Variants in STOX2 observed in about 807,000 individuals in gnomAD.
The protein encoded by STOX2 is storkhead-box protein 2.
In STOX2, 28 loss-of-function variants were observed where a neutral mutation model predicts 60.9. The observed-to-expected ratio is 0.46, with a 90% CI of 0.34 to 0.63. STOX2 has a LOEUF of 0.63. Ranked by LOEUF, STOX2 falls within the 30% of genes least tolerant of loss-of-function variation. STOX2 has a pLI of 0.01. For missense variants in STOX2, 1,024 were observed against 1,187.7 expected, an observed-to-expected ratio of 0.86 and a Z score of 2.03; for synonymous variants, 472 against 463.9, an observed-to-expected ratio of 1.02 and a Z score of -0.22.
chr4:183,927,087 C>T (rs1033041224), intron 1 of STOX2, among the ~76,000 whole-genome samples: 3 of 152,230 alleles, frequency 2.0e-5, no homozygotes, highest in Non-Finnish European at 4.4e-5. Context: ...ATTATTTCCT[C>T]ATTGACTCTG....
chr4:183,854,266 A>G (rs1185978074), intron 1 of STOX2, among the ~76,000 whole-genome samples: 3 of 152,226 alleles, frequency 2.0e-5, no homozygotes, highest in Admixed American at 1.3e-4. Context: ...TTGAGAAGGT[A>G]CTTTCTCATG....
intron 1 of STOX2, among the ~76,000 whole-genome samples, chr4:183,999,059 C>A (rs1464688234): frequency 6.6e-6 from 1 of 151,460 alleles, no homozygotes; most frequent in Non-Finnish European, 1.5e-5. Flanking sequence ...AGCAAACAAA[C>A]AAAAAAACAA....
At chr4:183,858,317 G>GT (rs1405807840) in intron 1 of STOX2, among the ~76,000 whole-genome samples, 3 of 152,008 alleles carry the variant, frequency 2.0e-5, no homozygotes, top group Non-Finnish European at 4.4e-5. Flanking sequence ...CCCGCCCTGT[G>GT]CGGGCTGCAA....
chr4:183,841,882 A>G (rs761430155), intron 1 of STOX2, among the ~76,000 whole-genome samples: 34 of 152,228 alleles, frequency 2.2e-4, no homozygotes, highest in Non-Finnish European at 4.1e-4. Context: ...CCATAGAGTC[A>G]TACAATTTGA....
chr4:183,979,167 C>T (rs915920650), intron 1 of STOX2, among the ~76,000 whole-genome samples: 1 of 152,050 alleles, frequency 6.6e-6, no homozygotes, highest in African/African-American at 2.4e-5. Flanking sequence ...ACAGTCATGG[C>T]AGAAGGCAAA....
intron 1 of STOX2, among the ~76,000 whole-genome samples, chr4:183,908,292 G>C (rs757367579): frequency 6.6e-6 from 1 of 152,166 alleles, no homozygotes; most frequent in African/African-American, 2.4e-5. Context: ...TCGCTGCTGT[G>C]GTTGCTACAC....
chr4:183,911,433 C>A (rs1185443285), intron 1 of STOX2, among the ~76,000 whole-genome samples: 1 of 152,160 alleles, frequency 6.6e-6, no homozygotes, highest in Non-Finnish European at 1.5e-5. Context: ...GCCGCTCCAA[C>A]TGTGTTTTAA....
chr4:183,951,072 C>T (rs1243970837), intron 1 of STOX2, among the ~76,000 whole-genome samples: 6 of 151,740 alleles, frequency 4.0e-5, no homozygotes, highest in African/African-American at 9.7e-5. Context: ...AAAAATTAGC[C>T]GGGCGTGGTG....
intron 1 of STOX2, among the ~76,000 whole-genome samples, chr4:183,875,615 G>A (rs895966212): frequency 6.6e-6 from 1 of 152,240 alleles, no homozygotes; most frequent in African/African-American, 2.4e-5. Context: ...AGCCCTCTAA[G>A]AAAATTGAGT....
rs889572599 is a variant in STOX2 at position 184,018,469 on chromosome 4, T to C, written c.*1185T>C. ...TTGATTAGAAATATACATGTGCCCA[T>C]GTAATAAACAACAGAATGTGCTCAT... On this transcript the variant is annotated 3_prime_UTR_variant, in exon 4 of 4. Transcript: ENST00000308497. 1 of 141,582 alleles carries C rather than the reference T, an allele frequency of 7.1e-6. No homozygotes were observed. The highest frequency in any genetic ancestry group is 2.5e-5 in the African/African-American group (1 of 40,276). The allele number at this position is 141,582 out of a possible 1,614,324, so 8.8% of individuals were successfully genotyped here.
intron 1 of STOX2, among the ~76,000 whole-genome samples, chr4:183,964,652 G>A (rs1311531622): frequency 2.6e-5 from 4 of 152,004 alleles, no homozygotes; most frequent in African/African-American, 4.8e-5. Context: ...GTGCAGTCTC[G>A]GCTCACTGCA....
At chr4:183,934,169 G>T (rs185051967) in intron 1 of STOX2, among the ~76,000 whole-genome samples, 2 of 152,194 alleles carry the variant, frequency 1.3e-5, no homozygotes, top group African/African-American at 4.8e-5. Context: ...CGGGCATGGT[G>T]GCAGGTGCCT....
intron 1 of STOX2, among the ~76,000 whole-genome samples, chr4:183,973,810 A>G (rs1181307695): frequency 6.6e-6 from 1 of 152,202 alleles, no homozygotes; most frequent in East Asian, 1.9e-4. Context: ...CCTGGCTAAC[A>G]TGGGGAAACC....
intron 1 of STOX2, among the ~76,000 whole-genome samples, chr4:183,987,025 A>G (rs1976975): frequency 0.98 from 149,243 of 152,226 alleles, 73,238 homozygotes; most frequent in East Asian, 1. Context: ...TTGCTGCAGA[A>G]TCGTCTGCCA....
chr4:183,917,263 G>C (rs983359457), intron 1 of STOX2, among the ~76,000 whole-genome samples: 9 of 152,348 alleles, frequency 5.9e-5, no homozygotes, highest in African/African-American at 2.2e-4. Context: ...GGGTGATTGT[G>C]GTGGATCGGT....
At chr4:183,920,692 G>A (rs964071079) in intron 1 of STOX2, among the ~76,000 whole-genome samples, 1 of 152,214 alleles carries the variant, frequency 6.6e-6, no homozygotes, top group Non-Finnish European at 1.5e-5. Flanking sequence ...GATTTGCTGA[G>A]TGTTTCCCTG....
Position 184,011,192 on chromosome 4 carries a change from G to C in STOX2, c.2354G>C (p.Gly785Ala). Reference protein sequence around the residue: ...NVSDDDDSEEGANKNTEEEKN... With the variant: ...NVSDDDDSEEAANKNTEEEKN... ...TCTGATGATGACGACTCTGAGGAAG[G>C]GGCAAACAAGAACACAGAGGAGGAG... is the stretch of plus-strand genomic sequence containing the variant. The change falls in exon 3 of 4, where the codon GGG (glycine) becomes GCG (alanine). Residue 785 changes from glycine to alanine, a missense_variant. Transcript: ENST00000308497. The surrounding 1 kb of genome is among the most constrained non-coding windows in gnomAD (Gnocchi z 4.4). 6.3e-7 allele frequency: 1 copy of C among 1,598,370 alleles called. No homozygotes were observed. Among genetic ancestry groups the C allele is most frequent in the South Asian group, 1.1e-5 (1 of 88,306 alleles).
intron 1 of STOX2, among the ~76,000 whole-genome samples, chr4:183,999,149 A>C (rs1231723336): frequency 6.6e-6 from 1 of 152,206 alleles, no homozygotes; most frequent in Non-Finnish European, 1.5e-5. Context: ...TTAAGATTTA[A>C]ATACATTGTT....
At chr4:183,946,092 T>G (rs919776086) in intron 1 of STOX2, among the ~76,000 whole-genome samples, 3 of 152,194 alleles carry the variant, frequency 2.0e-5, no homozygotes, top group Non-Finnish European at 4.4e-5. Flanking sequence ...ACAGGTCTTG[T>G]TCTAAAACAA....
Sources: gnomAD v4.1 joint callset for allele counts (sites outside exome capture counted in the v4.1 genomes callset) on GRCh38, gnomAD v4.1.1 for gene constraint, Gnocchi (gnomAD v3.1) non-coding constraint, MANE v1.5 for transcripts, NCBI Gene and HGNC (gene_info 2026-07-23, HGNC 2026-07-21) for gene names.